CNTNAP4: variants seen among roughly 807,000 people sequenced by gnomAD.
CNTNAP4 encodes contactin associated protein family member 4.
In CNTNAP4, 98 loss-of-function variants were observed where a neutral mutation model predicts 148.4. That is an observed-to-expected ratio of 0.66 (90% CI 0.56 to 0.78). CNTNAP4 has a LOEUF of 0.78. CNTNAP4 is among the 30% of genes least tolerant of loss of function. The pLI is 0.00. For synonymous variants in CNTNAP4, 730 were observed against 565.1 expected (o/e 1.29, Z -4.14); for missense variants, 1,935 against 1,565.6 (o/e 1.24, Z -3.98).
intron 3 of CNTNAP4, among the ~76,000 whole-genome samples, chr16:76,390,155 C>T (rs969961032): frequency 1.3e-5 from 2 of 152,200 alleles, no homozygotes; most frequent in African/African-American, 4.8e-5. Flanking sequence ...AGCCTTCCTC[C>T]CTGGGAGATG....
intron 14 of CNTNAP4, among the ~76,000 whole-genome samples, chr16:76,496,910 T>C (rs1369483072): frequency 2.6e-5 from 4 of 152,178 alleles, no homozygotes; most frequent in African/African-American, 9.6e-5. Context: ...ATAAAAATAT[T>C]TGAAGACTTA....
At chr16:76,283,537 T>A (rs777534256) in intron 1 of CNTNAP4, among the ~76,000 whole-genome samples, 1 of 152,000 alleles carries the variant, frequency 6.6e-6, no homozygotes, top group Non-Finnish European at 1.5e-5. Context: ...AGACCACTAT[T>A]CTTGGCAAAC....
chr16:76,360,982 A>G (rs62051167), intron 3 of CNTNAP4, among the ~76,000 whole-genome samples: 1 of 151,062 alleles, frequency 6.6e-6, no homozygotes, highest in African/African-American at 2.4e-5. Flanking sequence ...ACACCCGGCT[A>G]ATTTTTTTTT....
chr16:76,426,037 AT>A (rs2079385011), intron 3 of CNTNAP4, among the ~76,000 whole-genome samples: 2 of 152,116 alleles, frequency 1.3e-5, no homozygotes, highest in Non-Finnish European at 2.9e-5. Flanking sequence ...TCATATTGAA[AT>A]AAAGAGATGC....
At chr16:76,552,660 A>C (rs946842091) in intron 21 of CNTNAP4, among the ~76,000 whole-genome samples, 6 of 152,198 alleles carry the variant, frequency 3.9e-5, no homozygotes, top group Non-Finnish European at 8.8e-5. Context: ...ACATAGGGGT[A>C]TAAAGGGTTT....
chr16:76,385,993 A>C (rs937687732), intron 3 of CNTNAP4, among the ~76,000 whole-genome samples: 9 of 152,180 alleles, frequency 5.9e-5, no homozygotes, highest in Non-Finnish European at 7.3e-5. Flanking sequence ...ATGAAAAAAA[A>C]CACTTGTTTA....
At chr16:76,497,359 A>G (rs539452484) in intron 14 of CNTNAP4, among the ~76,000 whole-genome samples, 4 of 152,326 alleles carry the variant, frequency 2.6e-5, no homozygotes, top group African/African-American at 9.6e-5. Flanking sequence ...ATAAATTAAG[A>G]ATTTACTTTG....
At chr16:76,354,219 GTTAC>G (rs968655539) in intron 2 of CNTNAP4, among the ~76,000 whole-genome samples, 11 of 152,202 alleles carry the variant, frequency 7.2e-5, no homozygotes, top group Middle Eastern at 3.4e-3. Context: ...ATGATTATAT[GTTAC>G]TTACATAATC....
At chr16:76,411,954 T>G (rs1024220274) in intron 3 of CNTNAP4, among the ~76,000 whole-genome samples, 3 of 151,470 alleles carry the variant, frequency 2.0e-5, no homozygotes, top group Admixed American at 6.6e-5. Flanking sequence ...TACTGTTGAC[T>G]CTTACCTCCC....
At chr16:76,342,495 T>C (rs151166090) in intron 2 of CNTNAP4, among the ~76,000 whole-genome samples, 18,574 of 125,618 alleles carry the variant, frequency 0.15, 2,088 homozygotes, top group East Asian at 0.51. Flanking sequence ...TTTTTTGAGA[T>C]GGAGTCTTGC....
intron 15 of CNTNAP4, among the ~76,000 whole-genome samples, chr16:76,500,866 C>T (rs1007718146): frequency 2.0e-5 from 3 of 151,788 alleles, no homozygotes; most frequent in Admixed American, 6.6e-5. Flanking sequence ...GTTAGATTAG[C>T]GACTAGTGCA....
rs192652088 is a variant in CNTNAP4 at position 76,278,277 on chromosome 16, C to A, written c.85+530C>A. On this transcript the variant is annotated intron_variant, in intron 1 of 23. Coordinates refer to ENST00000611870, the MANE Select transcript of CNTNAP4 (RefSeq NM_033401.5). The stretch of plus-strand genomic sequence containing the variant: ...TCAGGAGCACCAGCACTGGCTGAGG[C>A]GAGTCTCAGTATTAAGAGCTGTGCC... Among the ~76,000 whole-genome samples, 788 of 152,256 alleles carry A rather than the reference C, an allele frequency of 5.2e-3. 3 individuals are homozygous for A. Among genetic ancestry groups the A allele is most frequent in the Non-Finnish European group, 7.7e-3 (524 of 68,024 alleles).
At chr16:76,468,014 A>G (rs960823224) in intron 10 of CNTNAP4, among the ~76,000 whole-genome samples, 2 of 152,168 alleles carry the variant, frequency 1.3e-5, no homozygotes, top group South Asian at 2.1e-4. Context: ...ACCCATTACC[A>G]TCTTCTCTGG....
At chr16:76,386,764 T>G (rs930981644) in intron 3 of CNTNAP4, among the ~76,000 whole-genome samples, 1 of 152,114 alleles carries the variant, frequency 6.6e-6, no homozygotes, top group African/African-American at 2.4e-5. Flanking sequence ...ATATTGGGAT[T>G]GTAGATGGAT....
At chr16:76,414,388 T>A (rs1255436571) in intron 3 of CNTNAP4, among the ~76,000 whole-genome samples, 1 of 151,402 alleles carries the variant, frequency 6.6e-6, no homozygotes, top group Admixed American at 6.6e-5. Flanking sequence ...GAGATATGAT[T>A]TATTATTTTT....
intron 4 of CNTNAP4, 21 bp from the exon 5 acceptor site, chr16:76,447,991 T>G (rs1338528695): frequency 5.8e-6 from 9 of 1,553,602 alleles, no homozygotes; most frequent in African/African-American, 2.7e-5. Context: ...TTAGAATGCC[T>G]TCTACTATCT....
At chr16:76,330,020 T>G (rs1963365211) in intron 2 of CNTNAP4, among the ~76,000 whole-genome samples, 1 of 152,212 alleles carries the variant, frequency 6.6e-6, no homozygotes, top group South Asian at 2.1e-4. Context: ...ACACCTGTGC[T>G]AAAGGAAAAA....
At chr16:76,393,754 C>T (rs1057248673) in intron 3 of CNTNAP4, among the ~76,000 whole-genome samples, 1 of 152,066 alleles carries the variant, frequency 6.6e-6, no homozygotes, top group Non-Finnish European at 1.5e-5. Context: ...TCCCCACTTT[C>T]CTAAGAAGAG....
intron 18 of CNTNAP4, among the ~76,000 whole-genome samples, chr16:76,537,238 G>A (rs1279708742): frequency 6.6e-6 from 1 of 151,940 alleles, no homozygotes; most frequent in Non-Finnish European, 1.5e-5. Flanking sequence ...AATATAAAAT[G>A]CGTGTTATAG....
Sources: gnomAD v4.1 joint callset for allele counts (sites outside exome capture counted in the v4.1 genomes callset) on GRCh38, gnomAD v4.1.1 for gene constraint, MANE v1.5 for transcripts, NCBI Gene and HGNC (gene_info 2026-07-23, HGNC 2026-07-21) for gene names.